NEGR1: variants seen among roughly 807,000 people sequenced by gnomAD.
NEGR1 encodes neuronal growth regulator 1.
A neutral mutation model predicts 40.9 loss-of-function variants in NEGR1; 10 were observed. The ratio of observed to expected loss-of-function variants is 0.24; its 90% confidence interval spans 0.15 to 0.42. The LOEUF is 0.42. Ranked by LOEUF, NEGR1 falls within the 10% of genes least tolerant of loss-of-function variation. NEGR1 has a pLI of 1.00. For synonymous variants in NEGR1, 185 were observed against 166.8 expected (o/e 1.11, Z -0.84); for missense variants, 352 against 438.9 (o/e 0.80, Z 1.77).
At chr1:71,795,896 G>T (rs1657308067) in intron 2 of NEGR1, among the ~76,000 whole-genome samples, 1 of 152,106 alleles carries the variant, frequency 6.6e-6, no homozygotes, top group Non-Finnish European at 1.5e-5. Flanking sequence ...AATATACTGT[G>T]AAATACAGAG....
chr1:72,051,531 G>A (rs1052307533), intron 1 of NEGR1, among the ~76,000 whole-genome samples: 2 of 151,248 alleles, frequency 1.3e-5, no homozygotes, highest in African/African-American at 4.8e-5. Flanking sequence ...TTGTTGCATC[G>A]AAAAAAATTT....
At chr1:71,849,999 A>G (rs1050776098) in intron 2 of NEGR1, among the ~76,000 whole-genome samples, 1 of 152,186 alleles carries the variant, frequency 6.6e-6, no homozygotes, top group Non-Finnish European at 1.5e-5. Flanking sequence ...TGGTCTGGAA[A>G]CAAACTGGCA....
intron 2 of NEGR1, among the ~76,000 whole-genome samples, chr1:71,886,063 C>T (rs1323173094): frequency 6.6e-6 from 1 of 152,158 alleles, no homozygotes; most frequent in Admixed American, 6.5e-5. Flanking sequence ...TGGGAAAAGA[C>T]TATCAACCAT....
At chr1:71,711,906 A>AAATAAAATAGATTT (rs1258369064) in intron 3 of NEGR1, among the ~76,000 whole-genome samples, 1 of 152,236 alleles carries the variant, frequency 6.6e-6, no homozygotes, top group Non-Finnish European at 1.5e-5. Context: ...CACATGCACA[A>AAATAAAATAGATTT]AATAAAATAG....
In NEGR1 at chr1:72,121,087, G is replaced by A. The variant is rs371838090; in HGVS notation, c.176+161232C>T. 2.0e-5 allele frequency among the ~76,000 whole-genome samples: 3 copies of A among 151,912 alleles called. No homozygotes were observed. In the East Asian group the frequency reaches 5.8e-4, roughly 29 times the overall value. ...TTCACAGTGTAGTCATTTTCTTACAGTTCTTTTTTGTACTTTTTGTATAAA... is the reference window on the plus strand; with the variant it reads ...TTCACAGTGTAGTCATTTTCTTACAATTCTTTTTTGTACTTTTTGTATAAA... On this transcript the variant is annotated intron_variant, in intron 1 of 6. Coordinates refer to ENST00000357731, the MANE Select transcript of NEGR1 (RefSeq NM_173808.3).
At chr1:71,561,435 C>A (rs1246635023) in intron 6 of NEGR1, among the ~76,000 whole-genome samples, 1 of 151,578 alleles carries the variant, frequency 6.6e-6, no homozygotes, top group Non-Finnish European at 1.5e-5. Flanking sequence ...TTGGCACTCA[C>A]TAGTTCTATT....
chr1:72,184,608 A>C (rs531519692), intron 1 of NEGR1, among the ~76,000 whole-genome samples: 2 of 152,168 alleles, frequency 1.3e-5, no homozygotes, highest in East Asian at 1.9e-4. Context: ...TAGATAAAAA[A>C]CATGTTAGTT....
At chr1:72,256,487 G>A (rs1280717670) in intron 1 of NEGR1, among the ~76,000 whole-genome samples, 1 of 152,078 alleles carries the variant, frequency 6.6e-6, no homozygotes, top group Non-Finnish European at 1.5e-5. Flanking sequence ...AAATTGATGA[G>A]GTGGTAGAAA....
intron 2 of NEGR1, among the ~76,000 whole-genome samples, chr1:71,839,014 GA>G (rs1659140449): frequency 6.6e-6 from 1 of 152,002 alleles, no homozygotes; most frequent in Non-Finnish European, 1.5e-5. Flanking sequence ...TCATCACCTA[GA>G]AAATTTGAGT....
At chr1:72,237,248 G>A (rs1392070916) in intron 1 of NEGR1, among the ~76,000 whole-genome samples, 2 of 151,926 alleles carry the variant, frequency 1.3e-5, no homozygotes, top group African/African-American at 4.8e-5. Context: ...TACTACATTT[G>A]AAGTTCATTT....
intron 6 of NEGR1, among the ~76,000 whole-genome samples, chr1:71,547,701 A>C (rs967734242): frequency 1.3e-5 from 2 of 151,740 alleles, no homozygotes; most frequent in African/African-American, 4.8e-5. Flanking sequence ...AAAAATAAGA[A>C]GGCAGGGGAG....
chr1:71,771,068 T>C (rs892714594), intron 3 of NEGR1, among the ~76,000 whole-genome samples: 93 of 152,260 alleles, frequency 6.1e-4, no homozygotes, highest in African/African-American at 2.2e-3. Flanking sequence ...CCATCAATGA[T>C]AGACTGGATA....
At chr1:71,462,526 C>CCAAT (rs1165811124) in intron 6 of NEGR1, among the ~76,000 whole-genome samples, 2 of 150,490 alleles carry the variant, frequency 1.3e-5, no homozygotes, top group Non-Finnish European at 3.0e-5. Context: ...GAGCATCAGG[C>CCAAT]CAATCATAGA....
intron 2 of NEGR1, among the ~76,000 whole-genome samples, chr1:71,856,338 A>G (rs1387653416): frequency 1.3e-5 from 2 of 152,092 alleles, no homozygotes; most frequent in Non-Finnish European, 2.9e-5. Context: ...TTCATGAAAG[A>G]GTGAGTTATC....
chr1:71,453,392 A>G (rs1361350675), intron 6 of NEGR1, among the ~76,000 whole-genome samples: 1 of 152,156 alleles, frequency 6.6e-6, no homozygotes, highest in Non-Finnish European at 1.5e-5. Flanking sequence ...CTTTGGATAT[A>G]GCATTTGAAA....
chr1:71,762,705 G>A (rs1298973419), intron 3 of NEGR1, among the ~76,000 whole-genome samples: 2 of 152,228 alleles, frequency 1.3e-5, no homozygotes, highest in East Asian at 3.9e-4. Flanking sequence ...ATTATGCACT[G>A]TATGGCAGTA....
chr1:71,836,654 A>G (rs1023865089), intron 2 of NEGR1, among the ~76,000 whole-genome samples: 4 of 151,934 alleles, frequency 2.6e-5, no homozygotes, highest in African/African-American at 4.8e-5. Flanking sequence ...GATAATTCCT[A>G]TAAAAAAAAC....
intron 1 of NEGR1, among the ~76,000 whole-genome samples, chr1:72,215,458 T>C (rs1356506010): frequency 6.6e-6 from 1 of 151,928 alleles, no homozygotes; most frequent in Non-Finnish European, 1.5e-5. Flanking sequence ...ATTTTTGCAA[T>C]CTAACCATCA....
At chr1:71,688,605 C>T (rs142019023) in intron 4 of NEGR1, among the ~76,000 whole-genome samples, 2,819 of 151,210 alleles carry the variant, frequency 0.019, 75 homozygotes, top group African/African-American at 0.065. Context: ...TACAGGTGCA[C>T]GCCACCATGC....
Sources: allele counts gnomAD v4.1 joint callset (sites outside exome capture counted in the v4.1 genomes callset), GRCh38; gene constraint gnomAD v4.1.1; transcripts MANE v1.5; gene names NCBI Gene and HGNC (gene_info 2026-07-23, HGNC 2026-07-21).